Variants in NRG1 observed in about 807,000 individuals in gnomAD.
NRG1 encodes the protein neuregulin 1, also known as pro-neuregulin-1, membrane-bound isoform.
Under a neutral mutation model 63.8 loss-of-function variants are expected in NRG1, and 18 were observed. The observed-to-expected ratio is 0.28, with a 90% CI of 0.19 to 0.42. The LOEUF is 0.42. Among genes scored for constraint, NRG1 ranks in the 10% least tolerant of loss-of-function variants. NRG1 has a pLI of 1.00. For missense variants in NRG1, 762 were observed against 814.7 expected, an observed-to-expected ratio of 0.94 and a Z score of 0.79; for synonymous variants, 302 against 301.3, an observed-to-expected ratio of 1.00 and a Z score of -0.02.
chr8:32,756,029 A>G (rs952068761), intron 8 of NRG1, among the ~76,000 whole-genome samples: 7 of 152,144 alleles, frequency 4.6e-5, no homozygotes, highest in Non-Finnish European at 8.8e-5. Flanking sequence ...GGAATGAGCC[A>G]CCCCACCCAG....
chr8:32,290,928 C>CATGCATTTGTGTGTGTGT lies in NRG1; in HGVS notation c.38-304898_38-304881dup, dbSNP rs1491444600. ...CAGGATGTGTGTGTGTGTGTGTGTG[C>CATGCATTTGTGTGTGTGT]ATGCATTTGTGTGTGTGTACACAAG... is the stretch of plus-strand genomic sequence containing the variant. On this transcript the variant is annotated intron_variant, in intron 1 of 10. Transcript: ENST00000519301. 8.2e-5 allele frequency among the ~76,000 whole-genome samples: 12 copies of CATGCATTTGTGTGTGTGT among 146,312 alleles called. No homozygotes were observed. The Admixed American group carries it at 8.2e-4, about 10-fold the overall frequency.
At chr8:31,872,900 A>T (rs1829607526) in intron 1 of NRG1, among the ~76,000 whole-genome samples, 1 of 152,244 alleles carries the variant, frequency 6.6e-6, no homozygotes, top group African/African-American at 2.4e-5. Context: ...AATCAAAACT[A>T]GGTCTTTGAA....
At chr8:31,837,632 C>T (rs1278590853) in intron 1 of NRG1, among the ~76,000 whole-genome samples, 2 of 151,966 alleles carry the variant, frequency 1.3e-5, no homozygotes, top group Admixed American at 6.6e-5. Flanking sequence ...TTCCCATCTC[C>T]CACTCCCTCC....
chr8:31,986,301 G>T (rs951583943), intron 1 of NRG1, among the ~76,000 whole-genome samples: 2 of 152,038 alleles, frequency 1.3e-5, no homozygotes, highest in Non-Finnish European at 2.9e-5. Flanking sequence ...ACAAGGGGAA[G>T]AGGAAGTGGA....
intron 1 of NRG1, among the ~76,000 whole-genome samples, chr8:31,768,705 A>G (rs1818320378): frequency 1.3e-5 from 2 of 152,134 alleles, no homozygotes; most frequent in Non-Finnish European, 1.5e-5. Context: ...ATTTTTGGGA[A>G]CCCTAAGTAC....
chr8:32,365,301 C>T (rs1321947410), intron 1 of NRG1, among the ~76,000 whole-genome samples: 1 of 151,968 alleles, frequency 6.6e-6, no homozygotes, highest in Non-Finnish European at 1.5e-5. Flanking sequence ...AAAACTAGCC[C>T]TTTTGGCTAT....
At chr8:31,670,353 T>C (rs1807000592) in intron 1 of NRG1, among the ~76,000 whole-genome samples, 1 of 152,180 alleles carries the variant, frequency 6.6e-6, no homozygotes, top group Non-Finnish European at 1.5e-5. Context: ...CAGGCCTTCC[T>C]TTTTATTTTA....
At chr8:31,876,184 A>G (rs1272865737) in intron 1 of NRG1, among the ~76,000 whole-genome samples, 1 of 152,218 alleles carries the variant, frequency 6.6e-6, no homozygotes, top group East Asian at 1.9e-4. Context: ...GCTTAAGAGC[A>G]CAACATTTGT....
At chr8:31,988,132 C>T (rs1045357990) in intron 1 of NRG1, among the ~76,000 whole-genome samples, 3 of 152,118 alleles carry the variant, frequency 2.0e-5, no homozygotes, top group African/African-American at 4.8e-5. Flanking sequence ...GATTTCCTTA[C>T]TAAACACTAG....
At chr8:32,721,183 C>T (rs2919374) in intron 5 of NRG1, among the ~76,000 whole-genome samples, 145,362 of 152,264 alleles carry the variant, frequency 0.95, 69,806 homozygotes, top group Middle Eastern at 1. Context: ...AGGTATTTTA[C>T]TAAAGACTGC....
In NRG1 at chr8:31,640,112, C is replaced by T. The variant is rs1263221965; in HGVS notation, c.37+681C>T. ...CTACTGCTGCTGCTGGGGACCGCGG[C>T]CCTGGCGCCGGGGGCGGCGGCCGGC... On this transcript the variant is annotated intron_variant, in intron 1 of 10. Coordinates refer to the NRG1 transcript ENST00000519301. This position sits in a 1 kb window ranked among gnomAD's most constrained non-coding sequence, Gnocchi z 6.3. The T allele has an allele frequency of 4.6e-5, 53 of 1,151,896 alleles. No individual in the cohort carries two copies. Among genetic ancestry groups the T allele is most frequent in the Non-Finnish European group, 5.6e-5 (53 of 938,350 alleles). The allele number at this position is 1,151,896 out of a possible 1,614,324, so 71.4% of individuals were successfully genotyped here.
intron 1 of NRG1, among the ~76,000 whole-genome samples, chr8:31,677,040 C>A (rs1440874003): frequency 1.3e-5 from 2 of 152,126 alleles, no homozygotes; most frequent in African/African-American, 4.8e-5. Flanking sequence ...CATTTAACTA[C>A]TCAATTCTAA....
chr8:32,090,447 A>G (rs966991035), intron 1 of NRG1, among the ~76,000 whole-genome samples: 3 of 152,184 alleles, frequency 2.0e-5, no homozygotes, highest in Admixed American at 1.3e-4. Flanking sequence ...CAGCCTCCCG[A>G]GAAGCTGGGA....
At chr8:32,122,040 A>G (rs959243772) in intron 1 of NRG1, among the ~76,000 whole-genome samples, 2 of 152,052 alleles carry the variant, frequency 1.3e-5, no homozygotes, top group Non-Finnish European at 2.9e-5. Context: ...TAAAAACAGA[A>G]TATCCAATGG....
intron 1 of NRG1, among the ~76,000 whole-genome samples, chr8:31,817,265 CCT>C (rs1823547334): frequency 6.6e-6 from 1 of 152,310 alleles, no homozygotes; most frequent in African/African-American, 2.4e-5. Flanking sequence ...TGCTTTTGTT[CCT>C]CTCTGTCTTT....
intron 1 of NRG1, among the ~76,000 whole-genome samples, chr8:32,258,094 G>A (rs565763539): frequency 1.3e-5 from 2 of 152,220 alleles, no homozygotes; most frequent in East Asian, 1.9e-4. Flanking sequence ...TGACTGTGTC[G>A]ACCTCTGGAG....
At chr8:32,157,668 AT>A (rs1472929312) in intron 1 of NRG1, among the ~76,000 whole-genome samples, 2 of 148,928 alleles carry the variant, frequency 1.3e-5, no homozygotes, top group Non-Finnish European at 3.0e-5. Context: ...ATTTTTATAT[AT>A]TTTTAAATAT....
rs866451795 is a variant in NRG1, at chr8:32,655,783, C to T, written c.502+38898C>T. 4.6e-5 allele frequency among the ~76,000 whole-genome samples: 7 copies of T among 152,028 alleles called. No individual in the cohort carries two copies. In the South Asian group the frequency reaches 1.2e-3, roughly 27 times the overall value. Reference sequence around the variant, plus strand: ...ATGAGGGGCTTCATTATAGGGAAAGCGATAAGGAGTTACTTTTGAGAGAGG... The same window carrying T: ...ATGAGGGGCTTCATTATAGGGAAAGTGATAAGGAGTTACTTTTGAGAGAGG... On this transcript the variant is annotated intron_variant, in intron 5 of 11. Coordinates refer to ENST00000356819, the Ensembl canonical transcript of NRG1.
intron 1 of NRG1, among the ~76,000 whole-genome samples, chr8:32,497,784 A>C (rs192014322): frequency 4.6e-4 from 70 of 152,298 alleles, no homozygotes; most frequent in African/African-American, 1.6e-3. Flanking sequence ...ATAATAATGA[A>C]AGATTAATAA....
Sources: gnomAD v4.1 joint callset for allele counts (sites outside exome capture counted in the v4.1 genomes callset) on GRCh38, gnomAD v4.1.1 for gene constraint, Gnocchi (gnomAD v3.1) non-coding constraint, MANE v1.5 for transcripts, NCBI Gene and HGNC (gene_info 2026-07-23, HGNC 2026-07-21) for gene names.